Variants in LPP observed in about 807,000 individuals in gnomAD.
LPP encodes LIM domain containing preferred translocation partner in lipoma, also known as lipoma-preferred partner.
A neutral mutation model predicts 60.4 loss-of-function variants in LPP; 38 were observed. The ratio of observed to expected loss-of-function variants is 0.63; its 90% CI spans 0.49 to 0.83. The LOEUF (loss-of-function observed/expected upper bound fraction) is 0.83, where lower values mean the gene tolerates loss of function less well. Ranked by LOEUF, LPP falls within the 40% of genes least tolerant of loss-of-function variation. LPP has a pLI of 0.00. For synonymous variants in LPP, 328 were observed against 290.8 expected (o/e 1.13, Z -1.30); for missense variants, 902 against 783.6 (o/e 1.15, Z -1.80).
chr3:188,762,786 T>A (rs988504224), intron 9 of LPP, among the ~76,000 whole-genome samples: 7 of 152,116 alleles, frequency 4.6e-5, no homozygotes, highest in African/African-American at 1.4e-4. Flanking sequence ...TTTTTACTTC[T>A]TTCCCTCATA....
At chr3:188,440,819 C>T (rs1793590581) in intron 4 of LPP, among the ~76,000 whole-genome samples, 1 of 152,106 alleles carries the variant, frequency 6.6e-6, no homozygotes, top group South Asian at 2.1e-4. Context: ...ATCTTTACCT[C>T]CTTCTCCCAT....
chr3:188,814,851 C>T (rs1244022789), intron 9 of LPP, among the ~76,000 whole-genome samples: 2 of 152,208 alleles, frequency 1.3e-5, no homozygotes, highest in Non-Finnish European at 2.9e-5. Context: ...ATGGCAAAGT[C>T]ATTAGCGGCA....
At chr3:188,669,148 G>C (rs1431742316) in intron 7 of LPP, among the ~76,000 whole-genome samples, 1 of 152,150 alleles carries the variant, frequency 6.6e-6, no homozygotes, top group Non-Finnish European at 1.5e-5. Context: ...ACAGAAACAA[G>C]AGGACCATGA....
At chr3:188,763,355 C>T (rs1733044456) in intron 9 of LPP, among the ~76,000 whole-genome samples, 1 of 151,752 alleles carries the variant, frequency 6.6e-6, no homozygotes, top group Non-Finnish European at 1.5e-5. Flanking sequence ...AGGAATGAGA[C>T]CAGTCTAATG....
At chr3:188,522,784 A>AATATATATAT (rs61033243) in intron 5 of LPP, among the ~76,000 whole-genome samples, 3,079 of 124,946 alleles carry the variant, frequency 0.025, 50 homozygotes, top group East Asian at 0.04. Flanking sequence ...GATAATATGA[A>AATATATATAT]ATATATATAT....
chr3:188,501,083 G>A (rs1811690835), intron 5 of LPP, among the ~76,000 whole-genome samples: 1 of 151,568 alleles, frequency 6.6e-6, no homozygotes. Context: ...TTCCCTTCTG[G>A]TAGATTTGGG....
At chr3:188,230,874 C>T (rs1031621095) in intron 2 of LPP, among the ~76,000 whole-genome samples, 4 of 152,186 alleles carry the variant, frequency 2.6e-5, no homozygotes, top group Admixed American at 6.5e-5. Flanking sequence ...CTCACCACAT[C>T]GCAGTCCAGG....
chr3:188,205,557 C>T (rs1732973517), intron 1 of LPP, among the ~76,000 whole-genome samples: 1 of 152,104 alleles, frequency 6.6e-6, no homozygotes, highest in Non-Finnish European at 1.5e-5. Context: ...GCTGGGATTA[C>T]AGGCCTGAGC....
At chr3:188,542,519 T>C (rs1825487436) in intron 6 of LPP, among the ~76,000 whole-genome samples, 1 of 152,222 alleles carries the variant, frequency 6.6e-6, no homozygotes, top group Non-Finnish European at 1.5e-5. Flanking sequence ...TCTAGTCTCT[T>C]GCTTTTTAAA....
chr3:188,458,115 A>C (rs1798186000), intron 4 of LPP, among the ~76,000 whole-genome samples: 1 of 152,194 alleles, frequency 6.6e-6, no homozygotes, highest in Non-Finnish European at 1.5e-5. Context: ...GTTCCAGTGC[A>C]AACAGTTTGC....
Position 188,790,448 on chromosome 3 carries a change from G to C in LPP, c.1410+30166G>C, listed in dbSNP as rs550423221. On this transcript the variant is annotated intron_variant, in intron 9 of 11. Transcript: ENST00000617246. ...TCTTTTAGTGATTATCTCTGGAAAA[G>C]AGTTTTACTTTTCATTCTCTACCCT... is the stretch of plus-strand genomic sequence containing the variant. Among the ~76,000 whole-genome samples, 128 of 152,102 alleles carry C rather than the reference G, an allele frequency of 8.4e-4. 1 individual carries two copies. Among genetic ancestry groups the C allele is most frequent in the Non-Finnish European group, 1.6e-3 (112 of 68,000 alleles).
chr3:188,249,549 TA>T (rs1338354392), intron 2 of LPP, among the ~76,000 whole-genome samples: 1 of 152,176 alleles, frequency 6.6e-6, no homozygotes, highest in Admixed American at 6.5e-5. Flanking sequence ...ATGCAGTGTA[TA>T]TATTATATGA....
intron 7 of LPP, among the ~76,000 whole-genome samples, chr3:188,647,804 A>G (rs1282311687): frequency 2.6e-5 from 4 of 152,176 alleles, no homozygotes; most frequent in African/African-American, 7.2e-5. Flanking sequence ...TCTCTGCTCT[A>G]TCGTGGCTAC....
intron 3 of LPP, among the ~76,000 whole-genome samples, chr3:188,360,884 C>CAA (rs1382658103): frequency 8.5e-5 from 13 of 152,122 alleles, no homozygotes; most frequent in Non-Finnish European, 1.9e-4. Flanking sequence ...ATAATTATTC[C>CAA]ATTTCCTTGT....
chr3:188,714,456 A>G (rs1226646673), intron 8 of LPP, among the ~76,000 whole-genome samples: 1 of 152,192 alleles, frequency 6.6e-6, no homozygotes, highest in Non-Finnish European at 1.5e-5. Context: ...CCTATCAGCC[A>G]TTTTGCAGTC....
chr3:188,223,056 A>G (rs1214440769), intron 1 of LPP, among the ~76,000 whole-genome samples: 1 of 152,182 alleles, frequency 6.6e-6, no homozygotes, highest in Non-Finnish European at 1.5e-5. Context: ...TTTGTCGCTG[A>G]CCAGGGAAAA....
intron 4 of LPP, among the ~76,000 whole-genome samples, chr3:188,418,536 G>C (rs754963529): frequency 6.6e-6 from 1 of 152,120 alleles, no homozygotes; most frequent in African/African-American, 2.4e-5. Context: ...GTCTGTAGCT[G>C]TTCCTCAGCA....
intron 9 of LPP, among the ~76,000 whole-genome samples, chr3:188,814,748 C>T (rs757573417): frequency 5.9e-5 from 9 of 152,228 alleles, no homozygotes; most frequent in Non-Finnish European, 1.3e-4. Context: ...TCTGCTAGCT[C>T]TTAGAAAACA....
At chr3:188,448,679 G>A (rs1795903128) in intron 4 of LPP, among the ~76,000 whole-genome samples, 2 of 152,072 alleles carry the variant, frequency 1.3e-5, no homozygotes, top group African/African-American at 4.8e-5. Flanking sequence ...AATTTGTGTG[G>A]CCTGTGCTAT....
Sources: gnomAD v4.1 joint callset for allele counts (sites outside exome capture counted in the v4.1 genomes callset) on GRCh38, gnomAD v4.1.1 for gene constraint, MANE v1.5 for transcripts, NCBI Gene and HGNC (gene_info 2026-07-23, HGNC 2026-07-21) for gene names.